Variants in CCDC158 observed in about 807,000 individuals in gnomAD.
The protein encoded by CCDC158 is coiled-coil domain containing 158.
A neutral mutation model predicts 138.6 loss-of-function variants in CCDC158; 116 were observed. The observed-to-expected ratio is 0.84, with a 90% CI of 0.72 to 0.98. CCDC158 has a LOEUF of 0.98. Among genes scored for constraint, CCDC158 ranks in the 50% least tolerant of loss-of-function variants. The pLI is 0.00. For synonymous variants in CCDC158, 436 were observed against 442.4 expected (o/e 0.99, Z 0.18); for missense variants, 1,265 against 1,306.1 (o/e 0.97, Z 0.48).
intron 9 of CCDC158, among the ~76,000 whole-genome samples, chr4:76,372,008 T>C (rs1348727567): frequency 6.6e-6 from 1 of 151,386 alleles, no homozygotes; most frequent in African/African-American, 2.4e-5. Flanking sequence ...AGAAAATCTA[T>C]GCTGAGTTTA....
intron 24 of CCDC158, 136 bp downstream of exon 24, chr4:76,323,166 C>A: frequency 3.3e-6 from 2 of 611,666 alleles, no homozygotes; most frequent in Admixed American, 3.1e-5. Flanking sequence ...ATGGTTAAGA[C>A]CCTTATATTT....
chr4:76,368,954 G>C (rs906910122), intron 11 of CCDC158, among the ~76,000 whole-genome samples: 2 of 152,168 alleles, frequency 1.3e-5, no homozygotes, highest in Non-Finnish European at 2.9e-5. Flanking sequence ...AGTGGCTCAC[G>C]CCTGTAATCT....
At chr4:76,339,544 T>C (rs1721858114) in intron 18 of CCDC158, among the ~76,000 whole-genome samples, 1 of 152,254 alleles carries the variant, frequency 6.6e-6, no homozygotes, top group Non-Finnish European at 1.5e-5. Context: ...TGTGTATTTT[T>C]CAGGAGGATG....
chr4:76,321,202 CAACAGTATGATACT>C (rs926311003), intron 24 of CCDC158, among the ~76,000 whole-genome samples: 1 of 152,008 alleles, frequency 6.6e-6, no homozygotes, highest in Non-Finnish European at 1.5e-5. Flanking sequence ...CAAATCAAAA[CAACAGTATGATACT>C]ACCTACTCCT....
chr4:76,334,949 T>C (rs1721336911), intron 18 of CCDC158, among the ~76,000 whole-genome samples: 1 of 152,190 alleles, frequency 6.6e-6, no homozygotes, highest in Non-Finnish European at 1.5e-5. Context: ...GAGCTGATGT[T>C]ACTGGTATAA....
chr4:76,377,552 G>A (rs765433898), intron 9 of CCDC158, among the ~76,000 whole-genome samples: 86 of 152,128 alleles, frequency 5.7e-4, no homozygotes, highest in Admixed American at 2.6e-3. Context: ...TGCAGGGTGC[G>A]GTCATGACCT....
At chr4:76,395,151 C>A (rs1350874338) in intron 4 of CCDC158, among the ~76,000 whole-genome samples, 1 of 152,130 alleles carries the variant, frequency 6.6e-6, no homozygotes, top group Non-Finnish European at 1.5e-5. Context: ...GACACTGTTT[C>A]TTCTCCTCAT....
chr4:76,412,249 T>A (rs569858952), intron 1 of CCDC158, 117 bp from the exon 2 acceptor site: 2 of 152,354 alleles, frequency 1.3e-5, no homozygotes, highest in Admixed American at 6.5e-5. Context: ...CTTGACAATA[T>A]GTAAAACACA....
intron 2 of CCDC158, among the ~76,000 whole-genome samples, chr4:76,410,358 T>C (rs1005988321): frequency 1.3e-5 from 2 of 152,024 alleles, no homozygotes; most frequent in Non-Finnish European, 2.9e-5. Flanking sequence ...CTAATTTTTG[T>C]ATTTTTAGTA....
At chr4:76,330,291 T>C (rs756699647) in intron 21 of CCDC158, among the ~76,000 whole-genome samples, 4 of 152,192 alleles carry the variant, frequency 2.6e-5, no homozygotes, top group South Asian at 2.1e-4. Flanking sequence ...CAAGTTGCTA[T>C]GCAATCTGAG....
intron 12 of CCDC158, among the ~76,000 whole-genome samples, chr4:76,362,936 C>T (rs867417661): frequency 1.3e-4 from 20 of 152,260 alleles, no homozygotes; most frequent in Admixed American, 2.0e-4. Context: ...GGAGGGGTTG[C>T]TACTTGAGGT....
intron 1 of CCDC158, among the ~76,000 whole-genome samples, chr4:76,414,566 C>G (rs1450142932): frequency 1.3e-5 from 2 of 152,102 alleles, no homozygotes; most frequent in African/African-American, 4.8e-5. Context: ...GTGTCCCCAC[C>G]CAAATCTCAA....
At chr4:76,417,045 G>A (rs1351340571) in intron 1 of CCDC158, among the ~76,000 whole-genome samples, 6 of 152,206 alleles carry the variant, frequency 3.9e-5, no homozygotes, top group African/African-American at 1.2e-4. Flanking sequence ...ATCTGGGAGA[G>A]AGGCTGTACC....
At chr4:76,421,380 T>G (rs942138578), upstream of CCDC158, among the ~76,000 whole-genome samples, 7 of 151,418 alleles carry the variant, frequency 4.6e-5, no homozygotes, top group Non-Finnish European at 8.8e-5. Context: ...CCCTAAGGAG[T>G]GGGGGTGTAC....
chr4:76,346,879 A>C (rs1370027879), intron 18 of CCDC158, among the ~76,000 whole-genome samples: 1 of 152,230 alleles, frequency 6.6e-6, no homozygotes, highest in Non-Finnish European at 1.5e-5. Flanking sequence ...GGATATGAAC[A>C]GACACTTCTC....
chr4:76,316,585 C>T (rs944306839), intron 24 of CCDC158, among the ~76,000 whole-genome samples: 1 of 151,998 alleles, frequency 6.6e-6, no homozygotes, highest in Non-Finnish European at 1.5e-5. Flanking sequence ...GTGATCTAGA[C>T]ATTCAAATAC....
chr4:76,403,736 A>C (rs1410117596), intron 2 of CCDC158, among the ~76,000 whole-genome samples: 1 of 152,174 alleles, frequency 6.6e-6, no homozygotes. Flanking sequence ...TCTTCCTCAC[A>C]TCTTCCCAAA....
intron 22 of CCDC158, among the ~76,000 whole-genome samples, 166 bp from the exon 23 acceptor site, chr4:76,326,181 C>T (rs184285212): frequency 5.2e-4 from 79 of 152,242 alleles, no homozygotes; most frequent in African/African-American, 1.5e-3. Context: ...AAAAGGGTTA[C>T]GCCTTGGGAA....
At chr4:76,391,260 G>C (rs547976222) in intron 4 of CCDC158, among the ~76,000 whole-genome samples, 1 of 151,948 alleles carries the variant, frequency 6.6e-6, no homozygotes, top group Non-Finnish European at 1.5e-5. Flanking sequence ...TTCTCAAGGA[G>C]AGACTATACA....
Sources: allele counts gnomAD v4.1 joint callset (sites outside exome capture counted in the v4.1 genomes callset), GRCh38; gene constraint gnomAD v4.1.1; transcripts MANE v1.5; gene names NCBI Gene and HGNC (gene_info 2026-07-23, HGNC 2026-07-21).